Variants in NTM observed in about 807,000 individuals in gnomAD.
The protein encoded by NTM is IgLON family member 2.
NTM carries 13 observed loss-of-function variants against 42.1 expected under a neutral mutation model. The ratio of observed to expected loss-of-function variants is 0.31; its 90% confidence interval spans 0.20 to 0.49. The LOEUF (loss-of-function observed/expected upper bound fraction) is 0.49. Ranked by LOEUF, NTM falls within the 20% of genes least tolerant of loss-of-function variation. The pLI is 0.99. For synonymous variants in NTM, 187 were observed against 179.2 expected (o/e 1.04, Z -0.35); for missense variants, 373 against 452.8 (o/e 0.82, Z 1.60).
chr11:131,891,267 C>T (rs1188060992), intron 1 of NTM, among the ~76,000 whole-genome samples: 1 of 152,148 alleles, frequency 6.6e-6, no homozygotes, highest in East Asian at 1.9e-4. Context: ...TCCCTTCTCA[C>T]TGGGACGACC....
chr11:132,254,113 T>C (rs1248524418), intron 4 of NTM, among the ~76,000 whole-genome samples: 1 of 152,102 alleles, frequency 6.6e-6, no homozygotes, highest in Non-Finnish European at 1.5e-5. Context: ...GTCCACCAAC[T>C]CTTCTAGATT....
intron 1 of NTM, among the ~76,000 whole-genome samples, chr11:131,871,142 T>G (rs934422869): frequency 9.9e-5 from 15 of 152,186 alleles, no homozygotes; most frequent in Non-Finnish European, 1.6e-4. Flanking sequence ...TGTGTGATCA[T>G]GTGAGTGGGT....
intron 3 of NTM, among the ~76,000 whole-genome samples, chr11:132,164,186 G>A (rs551064754): frequency 6.6e-6 from 1 of 152,266 alleles, no homozygotes; most frequent in Non-Finnish European, 1.5e-5. Context: ...TGGAAAAATC[G>A]CTGTGTAATC....
At chr11:132,125,800 C>CA (rs2065715082) in intron 2 of NTM, among the ~76,000 whole-genome samples, 1 of 1,584 alleles carries the variant, frequency 6.3e-4, no homozygotes, top group East Asian at 0.019. Flanking sequence ...TGTTGTGTAT[C>CA]TGTGTGTGCT....
chr11:132,266,483 A>T (rs934788448), intron 4 of NTM, among the ~76,000 whole-genome samples: 19 of 152,334 alleles, frequency 1.2e-4, no homozygotes, highest in African/African-American at 4.6e-4. Flanking sequence ...CTCTATCTAA[A>T]TATGATTTTA....
chr11:132,053,379 G>A (rs2079135385), intron 2 of NTM, among the ~76,000 whole-genome samples: 1 of 152,204 alleles, frequency 6.6e-6, no homozygotes, highest in East Asian at 1.9e-4. Context: ...AACGGATCCA[G>A]GCACAGAACT....
chr11:131,887,081 A>G (rs571880753), intron 1 of NTM, among the ~76,000 whole-genome samples: 58 of 152,342 alleles, frequency 3.8e-4, no homozygotes, highest in South Asian at 1.0e-3. Flanking sequence ...CATGATGACT[A>G]CAGTTGATAA....
intron 3 of NTM, among the ~76,000 whole-genome samples, chr11:132,162,215 G>GTGGGGGAAGA (rs1275076967): frequency 3.9e-5 from 6 of 151,914 alleles, no homozygotes; most frequent in African/African-American, 1.5e-4. Flanking sequence ...AGATGTGTAT[G>GTGGGGGAAGA]TGTTTGTGTG....
At chr11:131,451,986 G>A (rs368205704) in intron 1 of NTM, among the ~76,000 whole-genome samples, 6 of 152,126 alleles carry the variant, frequency 3.9e-5, no homozygotes, top group Admixed American at 6.5e-5. Context: ...ACACCCTCCC[G>A]CTCTCCGATG....
chr11:131,822,607 T>C (rs1304191034), intron 1 of NTM, among the ~76,000 whole-genome samples: 1 of 152,120 alleles, frequency 6.6e-6, no homozygotes, highest in Non-Finnish European at 1.5e-5. Context: ...CAGCAACTGA[T>C]AAGGGGAAGG....
intron 1 of NTM, among the ~76,000 whole-genome samples, chr11:131,823,677 T>C (rs184977145): frequency 1.3e-5 from 2 of 152,192 alleles, no homozygotes; most frequent in Admixed American, 1.3e-4. Context: ...ATTGAAAGAG[T>C]ATTTTCCTGA....
At chr11:132,046,933 T>G (rs1206921313) in intron 2 of NTM, among the ~76,000 whole-genome samples, 2 of 152,236 alleles carry the variant, frequency 1.3e-5, no homozygotes, top group South Asian at 2.1e-4. Context: ...TATTGAGTAT[T>G]TATTCTGTGT....
intron 4 of NTM, among the ~76,000 whole-genome samples, chr11:132,233,721 T>TTATC (rs1263363613): frequency 6.6e-6 from 1 of 152,222 alleles, no homozygotes; most frequent in Non-Finnish European, 1.5e-5. Flanking sequence ...GAGATATTTA[T>TTATC]TATCTGGTCC....
chr11:132,057,827 G>A (rs1436075118), intron 2 of NTM, among the ~76,000 whole-genome samples: 1 of 152,044 alleles, frequency 6.6e-6, no homozygotes, highest in Non-Finnish European at 1.5e-5. Context: ...TCTCTCACTG[G>A]CGCTGTTGGT....
intron 2 of NTM, among the ~76,000 whole-genome samples, chr11:132,052,508 G>A (rs758906002): frequency 2.0e-5 from 3 of 152,186 alleles, no homozygotes; most frequent in Non-Finnish European, 4.4e-5. Flanking sequence ...AAGAGGGAGA[G>A]TGAGATTCAG....
At chr11:131,890,152 CTCTG>C (rs2051062803) in intron 1 of NTM, among the ~76,000 whole-genome samples, 1 of 74,624 alleles carries the variant, frequency 1.3e-5, no homozygotes, top group Non-Finnish European at 2.7e-5. Flanking sequence ...CTCTCTCTCT[CTCTG>C]TCTCTCTCTC....
chr11:131,935,961 C>T (rs2059167885), intron 2 of NTM, among the ~76,000 whole-genome samples: 1 of 151,896 alleles, frequency 6.6e-6, no homozygotes. Context: ...TAATTTTGCT[C>T]AGTTATTGCA....
At chr11:131,490,546 G>A (rs73024123) in intron 1 of NTM, among the ~76,000 whole-genome samples, 58 of 152,274 alleles carry the variant, frequency 3.8e-4, no homozygotes, top group African/African-American at 9.6e-4. Flanking sequence ...AGCTGGGTGC[G>A]CCTCTGAAGT....
chr11:131,885,915 G>C (rs370882578), intron 1 of NTM, among the ~76,000 whole-genome samples: 1 of 152,102 alleles, frequency 6.6e-6, no homozygotes, highest in South Asian at 2.1e-4. Flanking sequence ...AGTGGGGTAC[G>C]TCACTCTGAT....
Sources: gnomAD v4.1 joint callset for allele counts (sites outside exome capture counted in the v4.1 genomes callset) on GRCh38, gnomAD v4.1.1 for gene constraint, MANE v1.5 for transcripts, NCBI Gene and HGNC (gene_info 2026-07-23, HGNC 2026-07-21) for gene names.